The following MUC7 variants were observed in gnomAD, a reference collection of about 807,000 sequenced individuals.
MUC7 encodes mucin-7.
Under a neutral mutation model 2.5 loss-of-function variants are expected in MUC7, and 2 were observed. The ratio of observed to expected loss-of-function variants is 0.81; its 90% CI spans 0.33 to 2.55. The LOEUF is 2.55. Among genes scored for constraint, MUC7 ranks in the 30% most tolerant of loss-of-function variants. The pLI is 0.11. For missense variants in MUC7, 408 were observed against 455.6 expected, an observed-to-expected ratio of 0.90 and a Z score of 0.95; for synonymous variants, 133 against 173.4, an observed-to-expected ratio of 0.77 and a Z score of 1.83.
chr4:70,440,102 A>C (rs1054721118), intron 1 of MUC7, among the ~76,000 whole-genome samples: 1 of 152,196 alleles, frequency 6.6e-6, no homozygotes. Context: ...ATATGGAAAG[A>C]AGGAAGTATA....
chr4:70,432,381 C>A (rs1326439207), intron 1 of MUC7, among the ~76,000 whole-genome samples: 1 of 152,056 alleles, frequency 6.6e-6, no homozygotes, highest in Non-Finnish European at 1.5e-5. Flanking sequence ...AAAAGTGTTC[C>A]ATTTCTCCAC....
At chr4:70,433,203 G>T (rs1336179547) in intron 1 of MUC7, among the ~76,000 whole-genome samples, 1 of 152,100 alleles carries the variant, frequency 6.6e-6, no homozygotes, top group African/African-American at 2.4e-5. Flanking sequence ...GGATTGTCTG[G>T]CTATGGGGTC....
At chr4:70,472,671 A>G (rs1453523725) in intron 1 of MUC7, among the ~76,000 whole-genome samples, 1 of 152,194 alleles carries the variant, frequency 6.6e-6, no homozygotes, top group Non-Finnish European at 1.5e-5. Context: ...TATTCCAGTC[A>G]ATCCTCAGGA....
At chr4:70,438,460 G>GTTTT (rs59127015) in intron 1 of MUC7, among the ~76,000 whole-genome samples, 117 of 151,796 alleles carry the variant, frequency 7.7e-4, no homozygotes, top group African/African-American at 2.8e-3. Flanking sequence ...GTTTTGTTTT[G>GTTTT]GTTTGGTTTG....
At chr4:70,431,145 A>C (rs763440605) in intron 1 of MUC7, among the ~76,000 whole-genome samples, 7 of 152,162 alleles carry the variant, frequency 4.6e-5, no homozygotes, top group Non-Finnish European at 7.4e-5. Flanking sequence ...AAAATCTTTG[A>C]TCTCCAGGGG....
intron 1 of MUC7, among the ~76,000 whole-genome samples, chr4:70,449,056 C>A (rs1734215288): frequency 6.6e-6 from 1 of 152,052 alleles, no homozygotes; most frequent in Non-Finnish European, 1.5e-5. Flanking sequence ...ATGTTCTTGG[C>A]CTGTAGTTTT....
chr4:70,433,796 T>C (rs919230640), intron 1 of MUC7, among the ~76,000 whole-genome samples: 1 of 152,236 alleles, frequency 6.6e-6, no homozygotes, highest in Admixed American at 6.5e-5. Flanking sequence ...TATCCCCATC[T>C]TGTGCCAGTT....
intron 1 of MUC7, among the ~76,000 whole-genome samples, chr4:70,458,200 C>A (rs1223055805): frequency 6.6e-6 from 1 of 151,448 alleles, no homozygotes; most frequent in African/African-American, 2.4e-5. Flanking sequence ...CATGTCCACA[C>A]TGATTGGAAA....
At chr4:70,432,703 GTTTC>G (rs1426913844) in intron 1 of MUC7, among the ~76,000 whole-genome samples, 1 of 152,126 alleles carries the variant, frequency 6.6e-6, no homozygotes, top group Non-Finnish European at 1.5e-5. Context: ...TCTGATAGTA[GTTTC>G]TTTTGCTGTG....
At chr4:70,461,430 T>C (rs1021241540) in intron 1 of MUC7, among the ~76,000 whole-genome samples, 3 of 152,228 alleles carry the variant, frequency 2.0e-5, no homozygotes, top group Non-Finnish European at 2.9e-5. Flanking sequence ...AAAACCTGTG[T>C]GTTTTACTGA....
chr4:70,466,756 A>G (rs1384357471), intron 1 of MUC7, among the ~76,000 whole-genome samples: 1 of 152,224 alleles, frequency 6.6e-6, no homozygotes, highest in Non-Finnish European at 1.5e-5. Flanking sequence ...AGATTCATAA[A>G]GCAAGTTCTT....
chr4:70,474,762 A>C (rs909236042), intron 2 of MUC7, among the ~76,000 whole-genome samples: 2 of 152,046 alleles, frequency 1.3e-5, no homozygotes, highest in Non-Finnish European at 2.9e-5. Context: ...TGATCAAAGC[A>C]CTCCCAGGGG....
In MUC7 at chr4:70,481,330, T is replaced by C. The variant is rs746778423; in HGVS notation, c.586T>C (p.Ser196Pro). Reference sequence around the variant, plus strand: ...GACCACAGCTGCCCCACCCACACCTTCTGCAACTACACAAGCTCCACCATC... The same window carrying C: ...GACCACAGCTGCCCCACCCACACCTCCTGCAACTACACAAGCTCCACCATC... The part of the protein sequence containing the change: ...PETTAAPPTP[S>P]ATTQAPPSSS... Residue 196 changes from serine (S) to proline (P), a missense_variant, in exon 3 of 3, where the codon TCT (serine) becomes CCT (proline). This residue lies in a region of MUC7 where 225 missense variants were observed against 240.5 expected (regional missense o/e 0.94). Transcript: ENST00000304887. 2.1e-5 allele frequency: 33 copies of C among 1,600,010 alleles called. 1 individual carries two copies. The highest frequency in any genetic ancestry group is 1.1e-4 in the East Asian group (5 of 43,960).
intron 1 of MUC7, among the ~76,000 whole-genome samples, chr4:70,449,245 T>G (rs755844778): frequency 8.5e-5 from 13 of 152,288 alleles, no homozygotes; most frequent in South Asian, 4.1e-4. Flanking sequence ...TACTTGAGAC[T>G]GGGTAATTTA....
rs570453619 is a variant in MUC7, at chr4:70,477,180, C to T, written c.54+3105C>T. Among the ~76,000 whole-genome samples, 5 of 152,028 alleles carry T rather than the reference C, an allele frequency of 3.3e-5. No homozygotes were observed. The East Asian group carries it at 7.8e-4, about 24-fold the overall frequency. On this transcript the variant is annotated intron_variant, in intron 2 of 2. Transcript: ENST00000304887. ...ATTCCAGCACTTTCAGAGGCCGCGG[C>T]GGGAAGATCACCTGAGGTCAGGAGT...
intron 2 of MUC7, among the ~76,000 whole-genome samples, chr4:70,476,606 G>C (rs868363053): frequency 3.9e-5 from 6 of 152,242 alleles, no homozygotes; most frequent in African/African-American, 1.4e-4. Context: ...GGCCAACATG[G>C]TGAAACATCG....
chr4:70,469,659 G>T (rs141426949), upstream of MUC7, among the ~76,000 whole-genome samples: 542 of 152,308 alleles, frequency 3.6e-3, 1 homozygote, highest in African/African-American at 0.012. Flanking sequence ...ATGAAAAAAG[G>T]CTCATAATCA....
Position 70,481,145 on chromosome 4 carries a change from A to G in MUC7, c.401A>G (p.Gln134Arg). The change falls in exon 3 of 3, where the codon CAG (glutamine) becomes CGG (arginine). Residue 134 changes from glutamine (Q) to arginine (R), a missense_variant. By Grantham distance (43) the Gln-to-Arg change is conservative (BLOSUM62 1). Transcript: ENST00000304887. ...TTLPNVTFLPQNATTISSREN... is the reference protein window; with the variant it reads ...TTLPNVTFLPRNATTISSREN... ...CTTCCAAATGTGACTTTTCTTCCCC[A>G]GAATGCCACCACCATATCTTCAAGA... The G allele has an allele frequency of 2.5e-6, 4 of 1,614,198 alleles. No homozygotes were observed. Among genetic ancestry groups the G allele is most frequent in the Non-Finnish European group, 3.4e-6 (4 of 1,180,038 alleles).
chr4:70,436,688 C>A (rs970715718), intron 1 of MUC7, among the ~76,000 whole-genome samples: 1 of 152,164 alleles, frequency 6.6e-6, no homozygotes, highest in African/African-American at 2.4e-5. Flanking sequence ...CCTTCTGAAG[C>A]CTACTTCTGT....
Sources: allele counts gnomAD v4.1 joint callset (sites outside exome capture counted in the v4.1 genomes callset), GRCh38; gene constraint gnomAD v4.1.1; regional missense constraint gnomAD v4.1.1; transcripts MANE v1.5; gene names NCBI Gene and HGNC (gene_info 2026-07-23, HGNC 2026-07-21).